Variants in TATDN1 observed in about 807,000 individuals in gnomAD.
The protein encoded by TATDN1 is TatD DNase domain containing 1, also known as deoxyribonuclease TATDN1.
A neutral mutation model predicts 46.4 loss-of-function variants in TATDN1; 40 were observed. The ratio of observed to expected loss-of-function variants is 0.86; its 90% CI spans 0.67 to 1.12. TATDN1 has a LOEUF of 1.12. Among genes scored for constraint, TATDN1 ranks in the 50% most tolerant of loss-of-function variants. The pLI is 0.00. For synonymous variants in TATDN1, 95 were observed against 105.6 expected (o/e 0.90, Z 0.62); for missense variants, 326 against 348.4 (o/e 0.94, Z 0.51).
intron 1 of TATDN1, among the ~76,000 whole-genome samples, chr8:124,534,859 G>A (rs1379050116): frequency 6.6e-6 from 1 of 151,570 alleles, no homozygotes; most frequent in Non-Finnish European, 1.5e-5. Flanking sequence ...CCCTTCTCAG[G>A]TTTGATCATT....
chr8:124,512,100 CT>C lies in TATDN1; in HGVS notation c.390-3413del, dbSNP rs1361455989. Among the ~76,000 whole-genome samples the C allele has an allele frequency of 3.9e-5, 6 of 152,226 alleles. No individual in the cohort carries two copies. The East Asian group carries it at 1.2e-3, about 29-fold the overall frequency. Reference sequence around the variant, plus strand: ...TTTCTATTTTTCTTTTCTCATACATCTCCTTTTTCCTGACTACATATTTACT... The same window carrying C: ...TTTCTATTTTTCTTTTCTCATACATCCCTTTTTCCTGACTACATATTTACT... On this transcript the variant is annotated intron_variant, in intron 6 of 11. Transcript: ENST00000276692.
intron 3 of TATDN1, among the ~76,000 whole-genome samples, chr8:124,521,486 A>C (rs1383512234): frequency 6.6e-6 from 1 of 152,248 alleles, no homozygotes. Context: ...ATTTGTGAAT[A>C]ATAACAAATA....
rs548332187 is a variant in TATDN1, at chr8:124,528,359, G to A, written c.23-5357C>T. Among the ~76,000 whole-genome samples the A allele has an allele frequency of 3.9e-5, 6 of 152,280 alleles. No individual in the cohort carries two copies. In the East Asian group the frequency reaches 1.2e-3, roughly 29 times the overall value. ...CGGCTAATTTTTTGTATTTTTAGTA[G>A]AGACGGGGTTTCACCATGTTAGCCA... On this transcript the variant is annotated intron_variant, in intron 1 of 11. Transcript: ENST00000276692.
intron 1 of TATDN1, among the ~76,000 whole-genome samples, chr8:124,531,545 GT>G (rs1563691455): frequency 6.6e-6 from 1 of 152,164 alleles, no homozygotes; most frequent in South Asian, 2.1e-4. Context: ...GATAGGAATG[GT>G]TTTTCTCAAG....
At chr8:124,496,433 A>G (rs974043910) in intron 9 of TATDN1, among the ~76,000 whole-genome samples, 1 of 152,188 alleles carries the variant, frequency 6.6e-6, no homozygotes, top group Non-Finnish European at 1.5e-5. Flanking sequence ...ACACGTATCT[A>G]CCATTGTGGT....
chr8:124,490,526 G>GA (rs952089429), intron 11 of TATDN1, among the ~76,000 whole-genome samples: 22 of 150,844 alleles, frequency 1.5e-4, no homozygotes, highest in East Asian at 1.2e-3. Flanking sequence ...AAAGAAAAAA[G>GA]AAAAAAAAAT....
intron 1 of TATDN1, among the ~76,000 whole-genome samples, chr8:124,525,158 C>G (rs1160465028): frequency 6.6e-6 from 1 of 151,704 alleles, no homozygotes; most frequent in Non-Finnish European, 1.5e-5. Context: ...TTTTATTTTT[C>G]TTTTTAAGAC....
chr8:124,501,545 T>C (rs1270892288), intron 9 of TATDN1, among the ~76,000 whole-genome samples: 1 of 152,130 alleles, frequency 6.6e-6, no homozygotes, highest in Non-Finnish European at 1.5e-5. Context: ...AAGCAGAAAG[T>C]AACTTTAAAC....
At chr8:124,500,029 G>C (rs1387710246) in intron 9 of TATDN1, among the ~76,000 whole-genome samples, 7 of 151,676 alleles carry the variant, frequency 4.6e-5, no homozygotes, top group Non-Finnish European at 7.4e-5. Flanking sequence ...ATTTTTAGTA[G>C]AGATGGGGTT....
intron 4 of TATDN1, among the ~76,000 whole-genome samples, chr8:124,518,024 A>G (rs752478684): frequency 2.5e-4 from 38 of 151,518 alleles, no homozygotes; most frequent in Non-Finnish European, 4.4e-4. Flanking sequence ...CATCTTGGCT[A>G]ACACAGTGAA....
chr8:124,488,708 C>G lies in TATDN1; in HGVS notation c.792-12G>C. 1 of 1,474,240 alleles carries G rather than the reference C, an allele frequency of 6.8e-7. No individual in the cohort carries two copies. Among genetic ancestry groups the G allele is most frequent in the Non-Finnish European group, 9.5e-7 (1 of 1,056,900 alleles). The allele number at this position is 1,474,240 out of a possible 1,614,324, so 91.3% of individuals were successfully genotyped here. ...TCTCCAATATTTGACTAAAACAAAA[C>G]AAAAACAAAAATGGTTAAATCTCCA... On this transcript the variant is annotated splice_polypyrimidine_tract_variant and intron_variant, in intron 11 of 11. Transcript: ENST00000276692.
chr8:124,515,672 C>T, intron 6 of TATDN1, 74 bp downstream of exon 6: 1 of 1,432,240 alleles, frequency 7.0e-7, no homozygotes, highest in African/African-American at 1.4e-5. Context: ...CAACTATACT[C>T]TCACCTGATA....
At chr8:124,495,436 G>A in intron 10 of TATDN1, 36 bp downstream of exon 10, 1 of 1,521,170 alleles carries the variant, frequency 6.6e-7, no homozygotes, top group Non-Finnish European at 9.0e-7. Flanking sequence ...GTTTGGTATG[G>A]TTTAATATGA....
chr8:124,518,293 G>C (rs973826145), intron 4 of TATDN1, among the ~76,000 whole-genome samples: 1 of 150,378 alleles, frequency 6.6e-6, no homozygotes. Context: ...GGGAGGCTGA[G>C]GCGGGTGGAT....
At chr8:124,534,219 C>T (rs1050084231) in intron 1 of TATDN1, among the ~76,000 whole-genome samples, 3 of 143,116 alleles carry the variant, frequency 2.1e-5, no homozygotes, top group African/African-American at 7.9e-5. Flanking sequence ...CTAAGGCCCA[C>T]AAGCCACTGC....
At chr8:124,532,563 C>G (rs562749179) in intron 1 of TATDN1, among the ~76,000 whole-genome samples, 480 of 152,356 alleles carry the variant, frequency 3.2e-3, no homozygotes, top group Non-Finnish European at 5.9e-3. Context: ...GGATTACAGG[C>G]GTGAGCCACT....
rs925584127 is a variant in TATDN1 at position 124,515,376 on chromosome 8, C to T, written c.389+370G>A. 2.0e-5 allele frequency among the ~76,000 whole-genome samples: 3 copies of T among 152,166 alleles called. 1 individual carries two copies. ...AGCCTGGGCGACAGAGAGACTCTGT[C>T]TCAAAAAACAAAACAAAACAATCAC... On this transcript the variant is annotated intron_variant, in intron 6 of 11. Transcript: ENST00000276692.
intron 1 of TATDN1, among the ~76,000 whole-genome samples, chr8:124,531,666 T>C (rs2131563036): frequency 6.6e-6 from 1 of 152,232 alleles, no homozygotes; most frequent in South Asian, 2.1e-4. Flanking sequence ...TGTGGGATGG[T>C]GGTAACTAAA....
At chr8:124,516,247 T>G (rs749546201) in intron 4 of TATDN1, among the ~76,000 whole-genome samples, 1 of 151,922 alleles carries the variant, frequency 6.6e-6, no homozygotes, top group Non-Finnish European at 1.5e-5. Flanking sequence ...AATGTATTAA[T>G]AAAATAATTC....
Sources: allele counts gnomAD v4.1 joint callset (sites outside exome capture counted in the v4.1 genomes callset), GRCh38; gene constraint gnomAD v4.1.1; transcripts MANE v1.5; gene names NCBI Gene and HGNC (gene_info 2026-07-23, HGNC 2026-07-21).